Variants in SLC25A48 observed in about 807,000 individuals in gnomAD.
SLC25A48 encodes CTC-321K16.1.
In SLC25A48, 29 loss-of-function variants were observed where a neutral mutation model predicts 32.2. The ratio of observed to expected loss-of-function variants is 0.90; its 90% confidence interval spans 0.67 to 1.23. SLC25A48 has a LOEUF of 1.23. SLC25A48 is among the 50% of genes most tolerant of loss of function. The pLI, the probability that SLC25A48 is intolerant of heterozygous loss-of-function variation, is 0.00. For missense variants in SLC25A48, 399 were observed against 422.7 expected (o/e 0.94, Z 0.49); for synonymous variants, 164 against 172.3 (o/e 0.95, Z 0.38).
rs889775697 is a variant in SLC25A48, at chr5:135,625,009, T to A, written c.-848-4228T>A. 2.0e-5 allele frequency among the ~76,000 whole-genome samples: 3 copies of A among 152,264 alleles called. No homozygotes were observed. In the East Asian group the frequency reaches 5.8e-4, roughly 29 times the overall value. ...ATTCTGATCCCTGTCCTTGTGGGGC[T>A]CTCTGTCACAGGGGAGAAGGATGAG... On this transcript the variant is annotated intron_variant, in intron 1 of 10. Transcript: ENST00000646290.
chr5:135,786,730 G>A (rs1420346162), intron 3 of SLC25A48, among the ~76,000 whole-genome samples: 2 of 151,904 alleles, frequency 1.3e-5, no homozygotes, highest in East Asian at 1.9e-4. Flanking sequence ...ATATCCTGGC[G>A]AGATGTTATA....
At chr5:135,645,862 C>A (rs1033505595) in intron 3 of SLC25A48, among the ~76,000 whole-genome samples, 8 of 152,158 alleles carry the variant, frequency 5.3e-5, no homozygotes, top group African/African-American at 1.9e-4. Flanking sequence ...GAACTTCTCC[C>A]TTTATCTCAT....
At chr5:135,591,540 C>T (rs544150921) in intron 1 of SLC25A48, among the ~76,000 whole-genome samples, 2 of 152,342 alleles carry the variant, frequency 1.3e-5, no homozygotes, top group South Asian at 2.1e-4. Context: ...CCTCAACCCA[C>T]CTGGAGTGTT....
At chr5:135,684,147 ATCCATGAGCAGTTTTCC>A (rs1307224697) in intron 3 of SLC25A48, among the ~76,000 whole-genome samples, 4 of 152,174 alleles carry the variant, frequency 2.6e-5, no homozygotes, top group African/African-American at 9.7e-5. Context: ...AAAATGAAAA[ATCCATGAGCAGTTTTCC>A]TCCTTCTCCT....
chr5:135,765,957 G>A (rs1756208082), intron 3 of SLC25A48, among the ~76,000 whole-genome samples: 2 of 151,788 alleles, frequency 1.3e-5, no homozygotes, highest in South Asian at 4.2e-4. Context: ...ATCGTGGATT[G>A]CATACATCCC....
At chr5:135,723,907 AT>A (rs1302941797) in intron 3 of SLC25A48, among the ~76,000 whole-genome samples, 13 of 152,218 alleles carry the variant, frequency 8.5e-5, no homozygotes, top group African/African-American at 3.1e-4. Flanking sequence ...TAATTTCTCA[AT>A]GCTATTGAGC....
chr5:135,831,648 T>C (rs1387267795), upstream of SLC25A48, among the ~76,000 whole-genome samples: 5 of 152,162 alleles, frequency 3.3e-5, no homozygotes, highest in Admixed American at 3.3e-4. Context: ...CACAAGGGAA[T>C]AGCATGTGCG....
At chr5:135,606,026 A>AATTTCAGC (rs1238188194) in intron 1 of SLC25A48, among the ~76,000 whole-genome samples, 7 of 152,208 alleles carry the variant, frequency 4.6e-5, no homozygotes, top group African/African-American at 1.7e-4. Flanking sequence ...CTGGGAGAAC[A>AATTTCAGC]ATTTCAGCCC....
At chr5:135,825,283 G>A (rs1290862343) in intron 4 of SLC25A48, 2 of 152,162 alleles carry the variant, frequency 1.3e-5, no homozygotes, top group Non-Finnish European at 1.5e-5. Flanking sequence ...GAGAAAACGA[G>A]TCTCAGAGAA....
chr5:135,732,494 G>T (rs555094261), intron 3 of SLC25A48, among the ~76,000 whole-genome samples: 1 of 152,276 alleles, frequency 6.6e-6, no homozygotes, highest in African/African-American at 2.4e-5. Context: ...TCCTGGGCAG[G>T]GGCAAATCCC....
intron 1 of SLC25A48, among the ~76,000 whole-genome samples, chr5:135,841,339 A>G (rs536234970): frequency 2.0e-5 from 3 of 152,344 alleles, no homozygotes; most frequent in East Asian, 3.9e-4. Context: ...ATTTTCTTCC[A>G]TTCTGTAGGA....
intron 3 of SLC25A48, among the ~76,000 whole-genome samples, chr5:135,698,589 G>A (rs1754320216): frequency 1.3e-5 from 2 of 151,596 alleles, no homozygotes; most frequent in South Asian, 4.2e-4. Flanking sequence ...GAACCAAAAA[G>A]CTTCTTGAAA....
chr5:135,842,512 T>A, intron 2 of SLC25A48, 53 bp downstream of exon 2: 1 of 1,535,936 alleles, frequency 6.5e-7, no homozygotes, highest in Non-Finnish European at 9.0e-7. Flanking sequence ...GGAGCTGACC[T>A]GCCTCTGGGA....
chr5:135,728,384 A>G (rs1755141535), intron 3 of SLC25A48, among the ~76,000 whole-genome samples: 1 of 152,232 alleles, frequency 6.6e-6, no homozygotes, highest in Non-Finnish European at 1.5e-5. Context: ...TACAACCTAT[A>G]TAGACTGCTT....
intron 4 of SLC25A48, among the ~76,000 whole-genome samples, chr5:135,862,309 G>T (rs11953030): frequency 0.14 from 20,596 of 152,298 alleles, 1,808 homozygotes; most frequent in Middle Eastern, 0.2. Flanking sequence ...TTAATGTGCA[G>T]ATCACAAAGC....
At chr5:135,808,202 A>G (rs1430826272) in intron 3 of SLC25A48, among the ~76,000 whole-genome samples, 1 of 150,514 alleles carries the variant, frequency 6.6e-6, no homozygotes, top group East Asian at 1.9e-4. Flanking sequence ...AATATTATAG[A>G]TATTTTATTA....
chr5:135,601,805 CG>C (rs1463813137), intron 1 of SLC25A48, among the ~76,000 whole-genome samples: 3 of 152,230 alleles, frequency 2.0e-5, no homozygotes, highest in African/African-American at 7.2e-5. Flanking sequence ...GGGGAGGTCA[CG>C]TGTGCAAGCT....
At chr5:135,668,339 A>C (rs754457163) in intron 3 of SLC25A48, among the ~76,000 whole-genome samples, 9 of 152,246 alleles carry the variant, frequency 5.9e-5, no homozygotes, top group African/African-American at 1.7e-4. Flanking sequence ...CCTTATATCC[A>C]TAAAATATAC....
intron 1 of SLC25A48, chr5:135,601,021 G>A: frequency 6.6e-6 from 1 of 151,940 alleles, no homozygotes. Flanking sequence ...TGACTAAATG[G>A]ATGAATGAAC....
Sources: gnomAD v4.1 joint callset for allele counts (sites outside exome capture counted in the v4.1 genomes callset) on GRCh38, gnomAD v4.1.1 for gene constraint, MANE v1.5 for transcripts, NCBI Gene and HGNC (gene_info 2026-07-23, HGNC 2026-07-21) for gene names.